ANKRD11: variants seen among roughly 807,000 people sequenced by gnomAD.
The protein encoded by ANKRD11 is ankyrin repeat domain-containing protein 11.
In ANKRD11, 17 loss-of-function variants were observed where a neutral mutation model predicts 195.7. That is an observed-to-expected ratio of 0.09 (90% CI 0.06 to 0.13). The LOEUF is 0.13. ANKRD11 is among the 10% of genes least tolerant of loss of function. The probability of loss-of-function intolerance (pLI) is 1.00; values close to 1 mark genes in which losing one functional copy is unlikely to be tolerated. For missense variants in ANKRD11, 3,735 were observed against 3,566.1 expected (o/e 1.05, Z -1.21); for synonymous variants, 1,953 against 1,528.1 (o/e 1.28, Z -6.49).
intron 2 of ANKRD11, among the ~76,000 whole-genome samples, chr16:89,386,925 C>T (rs987287952): frequency 6.6e-6 from 1 of 152,072 alleles, no homozygotes; most frequent in Admixed American, 6.5e-5. Context: ...CACGCCTCGA[C>T]CACCGAGTCA....
intron 2 of ANKRD11, among the ~76,000 whole-genome samples, chr16:89,385,061 T>C (rs2040849967): frequency 6.6e-6 from 1 of 151,874 alleles, no homozygotes; most frequent in African/African-American, 2.4e-5. Context: ...AATTTTTGTA[T>C]TTTTAGTAGA....
chr16:89,438,407 C>T (rs753831529), intron 1 of ANKRD11, among the ~76,000 whole-genome samples: 8 of 151,950 alleles, frequency 5.3e-5, no homozygotes, highest in Non-Finnish European at 8.8e-5. Context: ...GCAGCCTCCG[C>T]CTCCTGGGTT....
chr16:89,313,987 G>A (rs147539383), intron 3 of ANKRD11, among the ~76,000 whole-genome samples: 1 of 152,362 alleles, frequency 6.6e-6, no homozygotes. Context: ...CGCCTGTGAT[G>A]CGGAAGCTGA....
rs764967667 is a variant in ANKRD11 at position 89,284,992 on chromosome 16, G to T, written c.1550C>A (p.Ser517Tyr). 38 of 1,614,074 alleles carry T rather than the reference G, an allele frequency of 2.4e-5. 1 individual carries two copies. The South Asian group carries it at 3.8e-4, about 16-fold the overall frequency. ...AGACGAGGTGGAGGAGGCAGAGAGG[G>T]AGCTGAACAGGGAGGGGTCCTTCAG... is the stretch of plus-strand genomic sequence containing the variant. ...LVLKDPSLFSSLSASSTSSHG... is the reference protein window; with the variant it reads ...LVLKDPSLFSYLSASSTSSHG... Residue 517 changes from serine (S) to tyrosine (Y), a missense_variant, in exon 9 of 13, where the codon TCC becomes TAC. Coordinates refer to ENST00000301030, the MANE Select transcript of ANKRD11 (RefSeq NM_013275.6).
chr16:89,489,468 G>T (rs1417167539), intron 1 of ANKRD11, among the ~76,000 whole-genome samples: 4 of 108,024 alleles, frequency 3.7e-5, no homozygotes, highest in African/African-American at 1.4e-4. Flanking sequence ...GCCCCTCCTC[G>T]GCCTACGCGC....
rs758225743 is a variant in ANKRD11, at chr16:89,279,883, G to C, written c.6659C>G (p.Ala2220Gly). Reference sequence around the variant, plus strand: ...TTCCGGCACCGTCTCCGCCTCCACCGCAGCTTCTAGAGCCACGTCCAGCTT... The same window carrying C: ...TTCCGGCACCGTCTCCGCCTCCACCCCAGCTTCTAGAGCCACGTCCAGCTT... ...EPKLDVALEAAVEAETVPEER... is the reference protein window; with the variant it reads ...EPKLDVALEAGVEAETVPEER... Residue 2220 changes from alanine (A) to glycine (G), a missense_variant, in exon 9 of 13, where the codon GCG (alanine) becomes GGG (glycine). Transcript: ENST00000301030. This position sits in a 1 kb window ranked among gnomAD's most constrained non-coding sequence, Gnocchi z 5.6. 6.3e-7 allele frequency: 1 copy of C among 1,594,208 alleles called. No homozygotes were observed. The highest frequency in any genetic ancestry group is 1.3e-5 in the African/African-American group (1 of 74,672).
chr16:89,371,258 A>T (rs1239138363), intron 2 of ANKRD11, among the ~76,000 whole-genome samples: 1 of 152,232 alleles, frequency 6.6e-6, no homozygotes, highest in African/African-American at 2.4e-5. Context: ...ACCTACACAG[A>T]GAGGCAGGTT....
At chr16:89,418,251 C>T (rs1204549780) in intron 2 of ANKRD11, 33 bp downstream of exon 2, 6 of 451,332 alleles carry the variant, frequency 1.3e-5, no homozygotes, top group South Asian at 7.8e-5. Context: ...ATGACAAAAA[C>T]ATAAATTGAT....
chr16:89,285,787 T>C lies in ANKRD11; in HGVS notation c.893-138A>G. ...CTGCAGAGACACTTTGCTCGACTCATGGAAACCAGCCACAGGCAGGAGGAA... is the reference window on the plus strand; with the variant it reads ...CTGCAGAGACACTTTGCTCGACTCACGGAAACCAGCCACAGGCAGGAGGAA... On this transcript the variant is annotated intron_variant, in intron 8 of 12. Coordinates refer to ENST00000301030, the MANE Select transcript of ANKRD11 (RefSeq NM_013275.6). The surrounding 1 kb of genome is among the most constrained non-coding windows in gnomAD (Gnocchi z 5.6). The C allele has an allele frequency of 8.9e-7, 1 of 1,124,974 alleles. No individual in the cohort carries two copies. The highest frequency in any genetic ancestry group is 1.3e-6 in the Non-Finnish European group (1 of 765,800). 69.7% of individuals were successfully genotyped at this position (1,124,974 alleles called of 1,614,324 possible). A position where few individuals can be genotyped will look rare whatever the true frequency, so the allele number is the denominator to read the frequency against.
At chr16:89,340,051 C>T (rs1597708232) in intron 2 of ANKRD11, 1 of 152,206 alleles carries the variant, frequency 6.6e-6, no homozygotes, top group African/African-American at 2.4e-5. Flanking sequence ...ATCCATTCTC[C>T]TGTTGACTAA....
intron 3 of ANKRD11, among the ~76,000 whole-genome samples, chr16:89,306,182 C>T (rs2036218968): frequency 1.8e-5 from 2 of 109,338 alleles, no homozygotes; most frequent in African/African-American, 7.4e-5. Context: ...AGACACGCGC[C>T]ACCTACCTCC....
At chr16:89,334,016 A>C (rs780147692) in intron 2 of ANKRD11, among the ~76,000 whole-genome samples, 4 of 151,960 alleles carry the variant, frequency 2.6e-5, no homozygotes, top group Admixed American at 6.6e-5. Context: ...TCAATCTATA[A>C]AATACAGAAA....
intron 2 of ANKRD11, among the ~76,000 whole-genome samples, chr16:89,396,752 T>C (rs1330335511): frequency 6.6e-6 from 1 of 152,214 alleles, no homozygotes; most frequent in African/African-American, 2.4e-5. Flanking sequence ...AATGGCGCCA[T>C]CTTGGCTCAC....
intron 12 of ANKRD11, among the ~76,000 whole-genome samples, chr16:89,269,413 G>A (rs554193262): frequency 1.3e-5 from 2 of 152,104 alleles, no homozygotes; most frequent in Non-Finnish European, 2.9e-5. Flanking sequence ...GTATGAAATC[G>A]TTTTCGAAGC....
rs182776854 is a variant in ANKRD11, at chr16:89,333,602, G to A, written c.-59-16524C>T. ...GTTTTGCCCTTTCCTGGATGTCAGA[G>A]TCGGAACCCTACAGTGTGTAGTCCT... On this transcript the variant is annotated intron_variant, in intron 2 of 12. Transcript: ENST00000301030. Among the ~76,000 whole-genome samples, 7 of 152,314 alleles carry A rather than the reference G, an allele frequency of 4.6e-5. No individual in the cohort carries two copies. In the East Asian group the frequency reaches 1.3e-3, roughly 29 times the overall value.
In ANKRD11 at chr16:89,428,264, G is replaced by A. The variant is rs189910520; in HGVS notation, c.-144-9896C>T. Among the ~76,000 whole-genome samples the A allele has an allele frequency of 1.7e-3, 255 of 152,104 alleles. 1 individual carries two copies. The highest frequency in any genetic ancestry group is 5.7e-3 in the African/African-American group (238 of 41,492). On this transcript the variant is annotated intron_variant, in intron 1 of 12. Transcript: ENST00000301030. Reference sequence around the variant, plus strand: ...TCTTTGGCCGGGCACGGTGGTTCACGCCTATAATCCCAGCACTTTGGGAGG... The same window carrying A: ...TCTTTGGCCGGGCACGGTGGTTCACACCTATAATCCCAGCACTTTGGGAGG...
At chr16:89,438,152 A>T (rs2043294058) in intron 1 of ANKRD11, among the ~76,000 whole-genome samples, 1 of 152,242 alleles carries the variant, frequency 6.6e-6, no homozygotes, top group Admixed American at 6.5e-5. Context: ...TGCGCAGCCC[A>T]GGAGGCTGGC....
intron 2 of ANKRD11, among the ~76,000 whole-genome samples, chr16:89,330,491 T>C (rs1388450985): frequency 6.6e-6 from 1 of 151,444 alleles, no homozygotes; most frequent in Non-Finnish European, 1.5e-5. Flanking sequence ...GACATGTCCG[T>C]GGGGCTACGT....
chr16:89,317,185 G>A (rs1597607833), intron 2 of ANKRD11, 107 bp from the exon 3 acceptor site: 1 of 839,672 alleles, frequency 1.2e-6, no homozygotes. Context: ...GCAGGCAGCT[G>A]CTCTGATCAG....
Sources: allele counts gnomAD v4.1 joint callset (sites outside exome capture counted in the v4.1 genomes callset), GRCh38; gene constraint gnomAD v4.1.1; non-coding constraint Gnocchi (gnomAD v3.1); transcripts MANE v1.5; gene names NCBI Gene and HGNC (gene_info 2026-07-23, HGNC 2026-07-21).